RPS6KC1: variants seen among roughly 807,000 people sequenced by gnomAD.
The protein encoded by RPS6KC1 is inactive ribosomal protein S6 kinase delta-1.
Under a neutral mutation model 103.8 loss-of-function variants are expected in RPS6KC1, and 54 were observed. That is an observed-to-expected ratio of 0.52 (90% CI 0.42 to 0.65). The LOEUF is 0.65. RPS6KC1 is among the 30% of genes least tolerant of loss of function. The probability of loss-of-function intolerance (pLI) is 0.00; values close to 1 mark genes in which losing one functional copy is unlikely to be tolerated. For missense variants in RPS6KC1, 1,151 were observed against 1,253.8 expected (o/e 0.92, Z 1.24); for synonymous variants, 439 against 438.7 (o/e 1.00, Z -0.01).
intron 8 of RPS6KC1, among the ~76,000 whole-genome samples, chr1:213,188,997 G>T (rs973882568): frequency 2.0e-5 from 3 of 152,068 alleles, no homozygotes; most frequent in Admixed American, 2.0e-4. Flanking sequence ...TGTGGTGCTG[G>T]TATAGAGACA....
the RPS6KC1 span, among the ~76,000 whole-genome samples, chr1:213,753,244 G>C: frequency 1.3e-5 from 2 of 152,212 alleles, no homozygotes; most frequent in African/African-American, 4.8e-5. Context: ...TAAGGTCAAA[G>C]TTATGTTAGG....
chr1:213,693,534 A>G, the RPS6KC1 span, among the ~76,000 whole-genome samples: 1 of 152,244 alleles, frequency 6.6e-6, no homozygotes. Context: ...TCTCTCGTTC[A>G]GAAAAAGGAA....
chr1:213,506,541 G>T, the RPS6KC1 span, among the ~76,000 whole-genome samples: 49 of 152,188 alleles, frequency 3.2e-4, no homozygotes, highest in Admixed American at 7.2e-4. Context: ...TCACCCACCA[G>T]GTCTAGCAGA....
At chr1:213,089,625 C>G (rs1336076695) in intron 3 of RPS6KC1, among the ~76,000 whole-genome samples, 1 of 152,118 alleles carries the variant, frequency 6.6e-6, no homozygotes, top group Non-Finnish European at 1.5e-5. Flanking sequence ...CCACACCTGG[C>G]TAATTTTTGT....
the RPS6KC1 span, chr1:213,832,502 G>A: frequency 6.6e-6 from 1 of 152,228 alleles, no homozygotes; most frequent in Non-Finnish European, 1.5e-5. Flanking sequence ...GTACCACTGA[G>A]TTGTTCTCTC....
the RPS6KC1 span, among the ~76,000 whole-genome samples, chr1:213,628,260 A>T: frequency 2.0e-5 from 3 of 152,060 alleles, no homozygotes; most frequent in South Asian, 4.1e-4. Context: ...GTGGGATCGG[A>T]GGTGATGTCC....
At chr1:213,205,567 T>TATATA (rs57191154) in intron 8 of RPS6KC1, among the ~76,000 whole-genome samples, 5 of 138,648 alleles carry the variant, frequency 3.6e-5, no homozygotes, top group African/African-American at 7.8e-5. Context: ...TATATATATA[T>TATATA]TTCAAAAGAA....
intron 5 of RPS6KC1, among the ~76,000 whole-genome samples, chr1:213,127,108 A>G (rs184536242): frequency 6.0e-4 from 92 of 152,252 alleles, no homozygotes; most frequent in African/African-American, 2.0e-3. Context: ...AATGGTATAG[A>G]TCACTGGCTC....
chr1:213,672,534 T>G, the RPS6KC1 span, among the ~76,000 whole-genome samples: 2 of 152,166 alleles, frequency 1.3e-5, no homozygotes, highest in African/African-American at 4.8e-5. Flanking sequence ...CCTCTGTGAT[T>G]CCATGCACCT....
the RPS6KC1 span, among the ~76,000 whole-genome samples, chr1:213,392,579 G>A: frequency 0.019 from 2,858 of 152,214 alleles, 81 homozygotes; most frequent in African/African-American, 0.064. Flanking sequence ...ATGTGGATGG[G>A]CATCAACTCA....
chr1:213,715,225 G>C, the RPS6KC1 span, among the ~76,000 whole-genome samples: 2 of 152,186 alleles, frequency 1.3e-5, no homozygotes, highest in African/African-American at 2.4e-5. Context: ...TGTTATAAAA[G>C]GGTCACAAGC....
the RPS6KC1 span, chr1:213,841,917 C>A: frequency 6.6e-6 from 1 of 152,224 alleles, no homozygotes; most frequent in Non-Finnish European, 1.5e-5. Flanking sequence ...ATCACAATCC[C>A]AATTGCACTT....
chr1:213,666,484 C>G, the RPS6KC1 span, among the ~76,000 whole-genome samples: 3 of 152,298 alleles, frequency 2.0e-5, 1 homozygote, highest in South Asian at 4.1e-4. Flanking sequence ...AAAGCTCTAA[C>G]AGTGGAATTC....
chr1:213,852,387 A>AT, the RPS6KC1 span, among the ~76,000 whole-genome samples: 2,092 of 147,538 alleles, frequency 0.014, 57 homozygotes, highest in African/African-American at 0.049. Flanking sequence ...TCTTTACCTA[A>AT]TTTTTTTTTT....
chr1:213,343,969 T>G, the RPS6KC1 span, among the ~76,000 whole-genome samples: 1 of 152,190 alleles, frequency 6.6e-6, no homozygotes, highest in African/African-American at 2.4e-5. Flanking sequence ...AAGGTTTCTA[T>G]ACCTAGACAA....
At chr1:213,810,147 T>C in the RPS6KC1 span, among the ~76,000 whole-genome samples, 3 of 152,332 alleles carry the variant, frequency 2.0e-5, no homozygotes, top group South Asian at 6.2e-4. Flanking sequence ...TAATGTGGAA[T>C]CAGGCAAGTT....
At chr1:213,631,378 C>CAAAA in the RPS6KC1 span, among the ~76,000 whole-genome samples, 40,142 of 136,598 alleles carry the variant, frequency 0.29, 6,375 homozygotes, top group Non-Finnish European at 0.36. Context: ...CTTTCTATGC[C>CAAAA]AAAAAAAAAA....
chr1:213,334,341 T>C, the RPS6KC1 span, among the ~76,000 whole-genome samples: 1 of 152,174 alleles, frequency 6.6e-6, no homozygotes, highest in Non-Finnish European at 1.5e-5. Flanking sequence ...ATATTATTCT[T>C]AAATACTGCA....
At chr1:213,259,368 A>C (rs759753260) in intron 12 of RPS6KC1, among the ~76,000 whole-genome samples, 6 of 151,454 alleles carry the variant, frequency 4.0e-5, no homozygotes, top group Non-Finnish European at 7.4e-5. Context: ...GAGAACATAC[A>C]GGGCAACATG....
Sources: allele counts gnomAD v4.1 joint callset (sites outside exome capture counted in the v4.1 genomes callset), GRCh38; gene constraint gnomAD v4.1.1; transcripts MANE v1.5; gene names NCBI Gene and HGNC (gene_info 2026-07-23, HGNC 2026-07-21).